RSF1: variants seen among roughly 807,000 people sequenced by gnomAD.
RSF1 encodes the protein remodeling and spacing factor 1.
Under a neutral mutation model 145.2 loss-of-function variants are expected in RSF1, and 13 were observed. The observed-to-expected ratio is 0.09, with a 90% CI of 0.06 to 0.14. The LOEUF is 0.14. Ranked by LOEUF, RSF1 falls within the 10% of genes least tolerant of loss-of-function variation. The pLI is 1.00. For synonymous variants in RSF1, 577 were observed against 592.6 expected (o/e 0.97, Z 0.38); for missense variants, 1,517 against 1,718.2 (o/e 0.88, Z 2.07).
At chr11:77,676,042 T>C (rs1959692313) in intron 13 of RSF1, among the ~76,000 whole-genome samples, 1 of 152,178 alleles carries the variant, frequency 6.6e-6, no homozygotes, top group Admixed American at 6.5e-5. Flanking sequence ...AACAGGAGTT[T>C]CCCAAACATT....
intron 1 of RSF1, among the ~76,000 whole-genome samples, chr11:77,799,496 CCT>C (rs1402360366): frequency 7.0e-6 from 1 of 143,638 alleles, no homozygotes; most frequent in Non-Finnish European, 1.5e-5. Context: ...AGAGTGAGAC[CCT>C]GTCTCCAAAA....
Position 77,661,979 on chromosome 11 carries a change from A to G in RSF1, c.*4938T>C, listed in dbSNP as rs1025719767. On this transcript the variant is annotated 3_prime_UTR_variant, in exon 16 of 16. Transcript: ENST00000308488. ...ATGAAAGTCAAGAAAATATATACTTAGGATTAACAATTCCATTCTTAACTT... is the reference window on the plus strand; with the variant it reads ...ATGAAAGTCAAGAAAATATATACTTGGGATTAACAATTCCATTCTTAACTT... 2 of 152,140 alleles carry G rather than the reference A, an allele frequency of 1.3e-5. No homozygotes were observed. Among genetic ancestry groups the G allele is most frequent in the Non-Finnish European group, 2.9e-5 (2 of 67,992 alleles). 9.4% of individuals were successfully genotyped at this position (152,140 alleles called of 1,614,324 possible).
At chr11:77,820,780 C>T, upstream of RSF1, 2 of 1,475,874 alleles carry the variant, frequency 1.4e-6, no homozygotes, top group African/African-American at 1.4e-5. Context: ...CGAGGGATGG[C>T]AAGGCAACCT....
intron 5 of RSF1, among the ~76,000 whole-genome samples, chr11:77,724,157 T>A (rs772725637): frequency 5.3e-5 from 8 of 152,182 alleles, no homozygotes; most frequent in Non-Finnish European, 8.8e-5. Flanking sequence ...AAAAGATAGA[T>A]GCTTAACATC....
At chr11:77,809,766 T>G (rs1590900697) in intron 1 of RSF1, among the ~76,000 whole-genome samples, 6 of 152,336 alleles carry the variant, frequency 3.9e-5, no homozygotes, top group Admixed American at 3.9e-4. Context: ...AGTTTTCCAA[T>G]ATTACCATAT....
intron 4 of RSF1, among the ~76,000 whole-genome samples, chr11:77,736,345 AG>A (rs1159124805): frequency 6.6e-6 from 1 of 152,234 alleles, no homozygotes; most frequent in Non-Finnish European, 1.5e-5. Flanking sequence ...AAGCATTTTC[AG>A]TATTCAATCA....
intron 5 of RSF1, among the ~76,000 whole-genome samples, chr11:77,710,200 C>T (rs908746472): frequency 2.6e-5 from 4 of 151,804 alleles, no homozygotes; most frequent in Non-Finnish European, 5.9e-5. Context: ...ATATATGGCA[C>T]ACAAAATGAT....
At chr11:77,820,083 T>C (rs1948839053) in intron 1 of RSF1, among the ~76,000 whole-genome samples, 1 of 151,924 alleles carries the variant, frequency 6.6e-6, no homozygotes, top group South Asian at 2.1e-4. Context: ...TTCCCCGAGA[T>C]GGTCGGGAAG....
In RSF1 at chr11:77,673,753, A is replaced by G. The variant is rs148934362; in HGVS notation, c.3562+1283T>C. Among the ~76,000 whole-genome samples, 621 of 152,340 alleles carry G rather than the reference A, an allele frequency of 4.1e-3. 1 individual carries two copies. The highest frequency in any genetic ancestry group is 6.4e-3 in the Non-Finnish European group (435 of 68,034). On this transcript the variant is annotated intron_variant, in intron 14 of 15. Coordinates refer to ENST00000308488, the MANE Select transcript of RSF1 (RefSeq NM_016578.4). ...TATTAATTATAAGGAAAAATAATAA[A>G]GAGACTCAGAAGATGCAACATTCTC...
chr11:77,701,848 C>G lies in RSF1; in HGVS notation c.1381G>C (p.Glu461Gln). 4 of 1,614,098 alleles carry G rather than the reference C, an allele frequency of 2.5e-6. No individual in the cohort carries two copies. Among genetic ancestry groups the G allele is most frequent in the Non-Finnish European group, 3.4e-6 (4 of 1,180,006 alleles). ...TCCTTTGTCTCATAAAACTTTGTCT[C>G]TATTGGTTCTGTCTTAAAATTTGGA... ...VAPNFKTEPI[E>Q]TKFYETKEES... The change falls in exon 6 of 16, where the codon GAG (glutamate) becomes CAG (glutamine). Residue 461 changes from glutamate (E) to glutamine (Q), a missense_variant. Glu to Gln is a conservative substitution (Grantham distance 29). This residue lies in a region of RSF1 where 579 missense variants were observed against 553.5 expected (regional missense o/e 1.05). Coordinates refer to ENST00000308488, the MANE Select transcript of RSF1 (RefSeq NM_016578.4).
chr11:77,814,591 G>A lies in RSF1; in HGVS notation c.187+5937C>T, dbSNP rs527989619. On this transcript the variant is annotated intron_variant, in intron 1 of 15. Transcript: ENST00000308488. The stretch of plus-strand genomic sequence containing the variant: ...CTCCCGAGTAGCTGGGATTACAGGC[G>A]CCTGACACCAGGTCTGACTAATTTT... Among the ~76,000 whole-genome samples the A allele has an allele frequency of 5.3e-5, 8 of 152,092 alleles. No individual in the cohort carries two copies. In the South Asian group the frequency reaches 1.0e-3, roughly 20 times the overall value.
the RSF1 span, chr11:77,869,685 G>C: frequency 6.3e-7 from 1 of 1,581,488 alleles, no homozygotes; most frequent in Admixed American, 1.7e-5. Context: ...GAAAGATTGA[G>C]AGCAGGTACC....
chr11:77,665,522 T>C lies in RSF1; in HGVS notation c.*1395A>G, dbSNP rs1959339539. 1.3e-5 allele frequency: 2 copies of C among 152,202 alleles called. No individual in the cohort carries two copies. Among genetic ancestry groups the C allele is most frequent in the South Asian group, 4.1e-4 (2 of 4,836 alleles). 9.4% of individuals were successfully genotyped at this position (152,202 alleles called of 1,614,324 possible). The stretch of plus-strand genomic sequence containing the variant: ...GACAAAGTTCATATTTTAGTGTCAA[T>C]TACATGTTAGGTATTTAGTTAGTTA... On this transcript the variant is annotated 3_prime_UTR_variant, in exon 16 of 16. Transcript: ENST00000308488.
intron 1 of RSF1, among the ~76,000 whole-genome samples, chr11:77,810,966 G>A (rs946193106): frequency 6.6e-6 from 1 of 152,104 alleles, no homozygotes; most frequent in African/African-American, 2.4e-5. Context: ...ACCCAGGCTG[G>A]AGTGCAGTGG....
At chr11:77,823,898 G>A (rs1949052431), upstream of RSF1, among the ~76,000 whole-genome samples, 1 of 151,618 alleles carries the variant, frequency 6.6e-6, no homozygotes, top group Non-Finnish European at 1.5e-5. Flanking sequence ...ATTCCAGTGA[G>A]GTTGTGAAAT....
chr11:77,837,162 G>A, the RSF1 span, among the ~76,000 whole-genome samples: 1 of 152,072 alleles, frequency 6.6e-6, no homozygotes, highest in Non-Finnish European at 1.5e-5. Flanking sequence ...TTGAGACGTA[G>A]TCTCGCTCTG....
chr11:77,737,283 AC>A (rs1961377335), intron 4 of RSF1, among the ~76,000 whole-genome samples: 1 of 152,038 alleles, frequency 6.6e-6, no homozygotes, highest in South Asian at 2.1e-4. Context: ...CTCTGTCTCT[AC>A]TAAAAGTACA....
At chr11:77,731,539 C>A (rs367658195) in intron 4 of RSF1, among the ~76,000 whole-genome samples, 14 of 152,342 alleles carry the variant, frequency 9.2e-5, no homozygotes, top group Middle Eastern at 6.8e-3. Context: ...TGTCTCCAGG[C>A]ATGTCAGAGG....
chr11:77,672,966 A>G (rs1959596834), intron 14 of RSF1, among the ~76,000 whole-genome samples: 1 of 152,144 alleles, frequency 6.6e-6, no homozygotes, highest in African/African-American at 2.4e-5. Context: ...TACAGGTGTG[A>G]GCCACCACAC....
Sources: allele counts gnomAD v4.1 joint callset (sites outside exome capture counted in the v4.1 genomes callset), GRCh38; gene constraint gnomAD v4.1.1; regional missense constraint gnomAD v4.1.1; transcripts MANE v1.5; gene names NCBI Gene and HGNC (gene_info 2026-07-23, HGNC 2026-07-21).